Variants in DPF3 observed in about 807,000 individuals in gnomAD.
The protein encoded by DPF3 is zinc finger protein DPF3.
In DPF3, 18 loss-of-function variants were observed where a neutral mutation model predicts 56.8. That is an observed-to-expected ratio of 0.32 (90% CI 0.22 to 0.47). DPF3 has a LOEUF of 0.47. Among genes scored for constraint, DPF3 ranks in the 20% least tolerant of loss-of-function variants. DPF3 has a pLI of 1.00. For missense variants in DPF3, 403 were observed against 488.8 expected, an observed-to-expected ratio of 0.82 and a Z score of 1.65; for synonymous variants, 188 against 180.2, an observed-to-expected ratio of 1.04 and a Z score of -0.35.
At chr14:72,892,874 TA>T (rs1417101466) in intron 1 of DPF3, among the ~76,000 whole-genome samples, 5 of 151,794 alleles carry the variant, frequency 3.3e-5, no homozygotes, top group African/African-American at 7.3e-5. Flanking sequence ...AGAGCGACAC[TA>T]GTTTTCCGAG....
chr14:72,810,011 G>C (rs1170703795), intron 1 of DPF3, among the ~76,000 whole-genome samples: 2 of 152,188 alleles, frequency 1.3e-5, no homozygotes, highest in Non-Finnish European at 2.9e-5. Context: ...AAAGCACTTA[G>C]CACTGTGCCT....
At chr14:72,764,610 T>C (rs1891199440) in intron 2 of DPF3, among the ~76,000 whole-genome samples, 1 of 143,640 alleles carries the variant, frequency 7.0e-6, no homozygotes, top group Admixed American at 7.4e-5. Context: ...TGCCTCAGCC[T>C]CCTGAGTAGC....
chr14:72,713,582 G>A (rs1811601140), intron 6 of DPF3, among the ~76,000 whole-genome samples: 1 of 152,244 alleles, frequency 6.6e-6, no homozygotes, highest in African/African-American at 2.4e-5. Context: ...CATCCTCAGA[G>A]AGGAGAAGAC....
chr14:72,714,261 T>G (rs1888794376), intron 6 of DPF3, among the ~76,000 whole-genome samples, 162 bp downstream of exon 6: 1 of 152,086 alleles, frequency 6.6e-6, no homozygotes, highest in Non-Finnish European at 1.5e-5. Flanking sequence ...AAGGAAGTGG[T>G]GACTGCGGTG....
chr14:72,799,211 G>A (rs1892767213), intron 1 of DPF3, among the ~76,000 whole-genome samples: 1 of 152,086 alleles, frequency 6.6e-6, no homozygotes, highest in Non-Finnish European at 1.5e-5. Context: ...CCCTATGGTG[G>A]ACATAGGTTG....
intron 8 of DPF3, among the ~76,000 whole-genome samples, chr14:72,659,723 A>C (rs1886150658): frequency 6.6e-6 from 1 of 152,218 alleles, no homozygotes. Flanking sequence ...GTGACTTCTT[A>C]ATTGAACCTA....
intron 7 of DPF3, among the ~76,000 whole-genome samples, chr14:72,685,216 G>A (rs1453044045): frequency 5.3e-5 from 8 of 152,212 alleles, no homozygotes; most frequent in Non-Finnish European, 8.8e-5. Flanking sequence ...AAGGGACATC[G>A]GTAGGACCAT....
chr14:72,845,388 G>A (rs1439745714), intron 1 of DPF3, among the ~76,000 whole-genome samples: 2 of 152,182 alleles, frequency 1.3e-5, no homozygotes, highest in South Asian at 4.1e-4. Context: ...GTCAGCTGAA[G>A]TTACGAAAGG....
At chr14:72,635,557 C>A (rs1427620383) in intron 8 of DPF3, among the ~76,000 whole-genome samples, 2 of 152,242 alleles carry the variant, frequency 1.3e-5, no homozygotes, top group Non-Finnish European at 2.9e-5. Context: ...ACTGCCCCAA[C>A]ACAAGGGTAT....
chr14:72,860,377 G>A (rs1423433460), intron 1 of DPF3, among the ~76,000 whole-genome samples: 1 of 151,946 alleles, frequency 6.6e-6, no homozygotes, highest in African/African-American at 2.4e-5. Flanking sequence ...TAGAGACAAT[G>A]TCTCACTATG....
At chr14:72,884,948 A>AC (rs1886463613) in intron 1 of DPF3, among the ~76,000 whole-genome samples, 3 of 80,816 alleles carry the variant, frequency 3.7e-5, no homozygotes, top group African/African-American at 1.1e-4. Context: ...TACTATATAT[A>AC]TATATATATA....
chr14:72,739,409 G>A (rs114647187), intron 3 of DPF3, among the ~76,000 whole-genome samples: 6,593 of 152,240 alleles, frequency 0.043, 230 homozygotes, highest in Admixed American at 0.093. Flanking sequence ...TTGTTATGGG[G>A]CCAAAGGAGA....
chr14:72,889,101 G>T (rs1886654158), intron 1 of DPF3, among the ~76,000 whole-genome samples: 1 of 152,174 alleles, frequency 6.6e-6, no homozygotes, highest in Admixed American at 6.5e-5. Flanking sequence ...CTACCTGCAT[G>T]ATTCCAAAAA....
At position 72,830,997 on chromosome 14, in the gene DPF3, C is replaced by T. The variant is rs138830724; in HGVS notation, c.33-59104G>A. 6.8e-4 allele frequency among the ~76,000 whole-genome samples: 104 copies of T among 152,342 alleles called. 1 individual carries two copies. The East Asian group carries it at 0.018, about 27-fold the overall frequency. On this transcript the variant is annotated intron_variant, in intron 1 of 10. Coordinates refer to ENST00000556509, the MANE Select transcript of DPF3 (RefSeq NM_001280542.3). ...TGGAAGCCGTATCAATCGCCCCCAC[C>T]TATGAGAGCCTTTCTTCAGGGCCAG... is the stretch of plus-strand genomic sequence containing the variant.
At chr14:72,622,300 C>G (rs918052008) in intron 9 of DPF3, among the ~76,000 whole-genome samples, 9 of 151,822 alleles carry the variant, frequency 5.9e-5, no homozygotes, top group African/African-American at 2.2e-4. Flanking sequence ...ACAGGACAGG[C>G]AGAGAAAAAA....
rs535675065 is a variant in DPF3, at chr14:72,869,474, C to G, written c.32+24583G>C. On this transcript the variant is annotated intron_variant, in intron 1 of 10. Transcript: ENST00000556509. ...ATGAAGAAAAAAAGTGAGACGCATG[C>G]TTGAAAAATTCATAATGCAAATGAC... is the stretch of plus-strand genomic sequence containing the variant. Among the ~76,000 whole-genome samples the G allele has an allele frequency of 2.0e-5, 3 of 152,260 alleles. No homozygotes were observed. In the South Asian group the frequency reaches 6.2e-4, roughly 32 times the overall value.
At chr14:72,885,152 T>G (rs1269328960) in intron 1 of DPF3, among the ~76,000 whole-genome samples, 3 of 143,372 alleles carry the variant, frequency 2.1e-5, no homozygotes, top group Non-Finnish European at 4.6e-5. Flanking sequence ...AAGGGGGATA[T>G]GAGGGGAAGG....
chr14:72,792,926 T>C (rs1458409504), intron 1 of DPF3, among the ~76,000 whole-genome samples: 2 of 98,326 alleles, frequency 2.0e-5, no homozygotes, highest in Non-Finnish European at 5.4e-5. Context: ...TTCAAAATAA[T>C]AATTTAAAAA....
At chr14:72,828,118 A>G (rs4140952) in intron 1 of DPF3, among the ~76,000 whole-genome samples, 96,890 of 152,032 alleles carry the variant, frequency 0.64, 31,358 homozygotes, top group East Asian at 0.87. Flanking sequence ...GCAACCTTGG[A>G]TGGTAACAAA....
Sources: allele counts gnomAD v4.1 joint callset (sites outside exome capture counted in the v4.1 genomes callset), GRCh38; gene constraint gnomAD v4.1.1; transcripts MANE v1.5; gene names NCBI Gene and HGNC (gene_info 2026-07-23, HGNC 2026-07-21).